Variants in ZFP64 observed in about 807,000 individuals in gnomAD.
The protein encoded by ZFP64 is zinc finger protein 64.
In ZFP64, 14 loss-of-function variants were observed where a neutral mutation model predicts 51.6. The observed-to-expected ratio is 0.27, with a 90% CI of 0.18 to 0.42. The LOEUF is 0.42. Ranked by LOEUF, ZFP64 falls within the 10% of genes least tolerant of loss-of-function variation. The pLI, the probability that ZFP64 is intolerant of heterozygous loss-of-function variation, is 1.00. For missense variants in ZFP64, 754 were observed against 906.8 expected, an observed-to-expected ratio of 0.83 and a Z score of 2.16; for synonymous variants, 375 against 361.4, an observed-to-expected ratio of 1.04 and a Z score of -0.43.
chr20:52,121,249 G>A (rs777898563), intron 5 of ZFP64, among the ~76,000 whole-genome samples: 4 of 152,180 alleles, frequency 2.6e-5, no homozygotes, highest in Non-Finnish European at 5.9e-5. Context: ...AGCTGGCAAT[G>A]ATTAAGCTTA....
chr20:52,090,895 G>C (rs1008966586), intron 7 of ZFP64, among the ~76,000 whole-genome samples: 3 of 118,862 alleles, frequency 2.5e-5, no homozygotes, highest in Non-Finnish European at 4.9e-5. Context: ...TTCTAGACCA[G>C]CCTGGGCAAC....
intron 5 of ZFP64, among the ~76,000 whole-genome samples, chr20:52,123,209 T>G (rs537152224): frequency 6.6e-6 from 1 of 152,150 alleles, no homozygotes; most frequent in African/African-American, 2.4e-5. Context: ...CAGGCGAACA[T>G]GTTCGCCATG....
chr20:52,152,850 T>C lies in ZFP64; in HGVS notation c.1342A>G (p.Ser448Gly). The C allele has an allele frequency of 2.5e-6, 4 of 1,614,192 alleles. No individual in the cohort carries two copies. Among genetic ancestry groups the C allele is most frequent in the Non-Finnish European group, 3.4e-6 (4 of 1,180,034 alleles). The stretch of plus-strand genomic sequence containing the variant: ...GAGTTCTTACTCTCACTGTACTCAC[T>C]GTGCTGTCTCTTGTGGCTGCGGAGC... Reference protein sequence around the residue: ...DSLRSHKRQHSEYSESKNSDV... With the variant: ...DSLRSHKRQHGEYSESKNSDV... The change falls in exon 6 of 6, where the codon AGT becomes GGT. Residue 448 changes from serine (S) to glycine (G), a missense_variant. Physicochemically the swap from Ser to Gly is moderately conservative, Grantham distance 56 (BLOSUM62 0). Coordinates refer to ENST00000216923, the MANE Select transcript of ZFP64 (RefSeq NM_018197.3).
chr20:52,112,454 C>T (rs1457423857), intron 5 of ZFP64, among the ~76,000 whole-genome samples: 1 of 152,148 alleles, frequency 6.6e-6, no homozygotes, highest in East Asian at 1.9e-4. Flanking sequence ...TTCTGAGTTG[C>T]AGAATTCCCA....
chr20:52,188,447 T>C (rs1313820063), intron 1 of ZFP64, among the ~76,000 whole-genome samples: 28 of 148,078 alleles, frequency 1.9e-4, no homozygotes, highest in African/African-American at 6.9e-4. Context: ...CCCAAGTAGC[T>C]GGGACTACAG....
chr20:52,110,988 C>A, intron 5 of ZFP64: 2 of 1,506,072 alleles, frequency 1.3e-6, no homozygotes, highest in South Asian at 1.1e-5. Context: ...TGGGAATGAC[C>A]TTGTAGAAAG....
At chr20:52,141,671 G>C (rs1980261665) in intron 5 of ZFP64, among the ~76,000 whole-genome samples, 1 of 152,184 alleles carries the variant, frequency 6.6e-6, no homozygotes, top group Non-Finnish European at 1.5e-5. Context: ...AAAGGAAGTG[G>C]TTCCTTGAGA....
intron 5 of ZFP64, among the ~76,000 whole-genome samples, chr20:52,111,734 A>T (rs1978595434): frequency 6.6e-6 from 1 of 152,158 alleles, no homozygotes; most frequent in Non-Finnish European, 1.5e-5. Flanking sequence ...TAAAGATGCC[A>T]GAGGCAGGAT....
At chr20:52,184,711 C>G (rs1983839661) in intron 2 of ZFP64, among the ~76,000 whole-genome samples, 1 of 152,132 alleles carries the variant, frequency 6.6e-6, no homozygotes, top group South Asian at 2.1e-4. Context: ...ACTGCAGCCT[C>G]AAACTCCTGG....
chr20:52,161,360 C>T (rs1271268629), intron 4 of ZFP64, among the ~76,000 whole-genome samples: 1 of 151,914 alleles, frequency 6.6e-6, no homozygotes, highest in East Asian at 1.9e-4. Context: ...TTAAATACTT[C>T]CTTTTTGAAT....
chr20:52,096,962 T>C (rs1426235607), intron 7 of ZFP64: 2 of 481,454 alleles, frequency 4.2e-6, no homozygotes, highest in African/African-American at 4.0e-5. Context: ...AACTACCTCT[T>C]GTAAGGCCAG....
intron 5 of ZFP64, among the ~76,000 whole-genome samples, chr20:52,145,176 G>C (rs555156492): frequency 2.8e-4 from 42 of 152,290 alleles, no homozygotes; most frequent in African/African-American, 9.4e-4. Flanking sequence ...GAAAACTAGA[G>C]ACCAGCTGCA....
chr20:52,094,727 G>C (rs573292623), intron 7 of ZFP64, among the ~76,000 whole-genome samples: 1 of 151,142 alleles, frequency 6.6e-6, no homozygotes, highest in Non-Finnish European at 1.5e-5. Context: ...AGCAAGAGAA[G>C]ACCCTGTCTC....
intron 2 of ZFP64, among the ~76,000 whole-genome samples, chr20:52,186,245 G>T (rs956732789): frequency 6.6e-5 from 10 of 152,144 alleles, no homozygotes; most frequent in African/African-American, 2.4e-4. Context: ...AACTGTGTGT[G>T]TAGGTGTTTG....
rs376875209 is a variant in ZFP64, at chr20:52,104,512, G to A, written c.764-5925C>T. ...GATAAAATGCAGAGCTCTTACCAAGGCTCACGGCCGTCCCCCGCCCCCCAC... is the reference window on the plus strand; with the variant it reads ...GATAAAATGCAGAGCTCTTACCAAGACTCACGGCCGTCCCCCGCCCCCCAC... On this transcript the variant is annotated intron_variant, in intron 5 of 8. Transcript: ENST00000361387. 212 of 361,416 alleles carry A rather than the reference G, an allele frequency of 5.9e-4. 1 individual carries two copies. Among genetic ancestry groups the A allele is most frequent in the African/African-American group, 4.2e-3 (195 of 46,900 alleles). The allele number at this position is 361,416 out of a possible 1,614,324, so 22.4% of individuals were successfully genotyped here. A position where few individuals can be genotyped will look rare whatever the true frequency, so the allele number is the denominator to read the frequency against.
chr20:52,172,626 G>T (rs1385788370), intron 2 of ZFP64, among the ~76,000 whole-genome samples: 3 of 152,004 alleles, frequency 2.0e-5, no homozygotes, highest in Non-Finnish European at 4.4e-5. Flanking sequence ...CAGTAGAGGC[G>T]TGACTTGCCC....
At chr20:52,128,345 C>T (rs1484719793) in intron 5 of ZFP64, among the ~76,000 whole-genome samples, 1 of 152,180 alleles carries the variant, frequency 6.6e-6, no homozygotes, top group African/African-American at 2.4e-5. Flanking sequence ...AGTCAAATGG[C>T]TTTGCCCCAT....
At chr20:52,095,981 C>T (rs1420326111) in intron 7 of ZFP64, among the ~76,000 whole-genome samples, 1 of 152,230 alleles carries the variant, frequency 6.6e-6, no homozygotes, top group African/African-American at 2.4e-5. Flanking sequence ...CTTTCACTGA[C>T]ATCGTCATCC....
chr20:52,114,772 A>G (rs888826671), intron 5 of ZFP64, among the ~76,000 whole-genome samples: 2 of 152,210 alleles, frequency 1.3e-5, no homozygotes, highest in Non-Finnish European at 2.9e-5. Flanking sequence ...ACATTTGCAC[A>G]GGCGCACAAG....
Sources: gnomAD v4.1 joint callset for allele counts (sites outside exome capture counted in the v4.1 genomes callset) on GRCh38, gnomAD v4.1.1 for gene constraint, MANE v1.5 for transcripts, NCBI Gene and HGNC (gene_info 2026-07-23, HGNC 2026-07-21) for gene names.